The following MAGI2 variants were observed in gnomAD, a reference collection of about 807,000 sequenced individuals.
MAGI2 encodes membrane-associated guanylate kinase, WW and PDZ domain-containing protein 2.
MAGI2 carries 35 observed loss-of-function variants against 133.3 expected under a neutral mutation model. The ratio of observed to expected loss-of-function variants is 0.26; its 90% CI spans 0.20 to 0.35. The LOEUF (loss-of-function observed/expected upper bound fraction) is 0.35, where lower values mean the gene tolerates loss of function less well. MAGI2 is among the 10% of genes least tolerant of loss of function. MAGI2 has a pLI of 1.00. For missense variants in MAGI2, 1,636 were observed against 1,863.4 expected (o/e 0.88, Z 2.25); for synonymous variants, 729 against 710.6 (o/e 1.03, Z -0.41).
chr7:78,803,084 T>G (rs1044044583), intron 2 of MAGI2, among the ~76,000 whole-genome samples: 1 of 152,148 alleles, frequency 6.6e-6, no homozygotes, highest in Admixed American at 6.5e-5. Flanking sequence ...TTGCATATCA[T>G]AATATATATA....
At chr7:78,603,257 A>G (rs556975934) in intron 3 of MAGI2, among the ~76,000 whole-genome samples, 1 of 152,326 alleles carries the variant, frequency 6.6e-6, no homozygotes, top group African/African-American at 2.4e-5. Context: ...TCTTGTACAT[A>G]ATTAGCTTAC....
At chr7:79,020,037 A>G (rs576557259) in intron 1 of MAGI2, among the ~76,000 whole-genome samples, 3 of 152,214 alleles carry the variant, frequency 2.0e-5, no homozygotes, top group African/African-American at 7.2e-5. Context: ...GTAACTTCCT[A>G]AAGACTTGTT....
intron 3 of MAGI2, among the ~76,000 whole-genome samples, chr7:78,605,155 G>T (rs1411601457): frequency 6.6e-6 from 1 of 152,180 alleles, no homozygotes; most frequent in Non-Finnish European, 1.5e-5. Context: ...TTCTATTTAG[G>T]AGAGTGATTG....
chr7:78,410,181 G>A (rs902280564), intron 6 of MAGI2, among the ~76,000 whole-genome samples: 3 of 152,168 alleles, frequency 2.0e-5, no homozygotes, highest in South Asian at 4.1e-4. Flanking sequence ...GTTAAAATGT[G>A]TGATACAGGC....
chr7:79,201,864 C>T (rs1828643876), intron 1 of MAGI2, among the ~76,000 whole-genome samples: 3 of 151,952 alleles, frequency 2.0e-5, no homozygotes, highest in Admixed American at 1.3e-4. Context: ...ATATGGAATT[C>T]AATTTTTGTC....
At chr7:78,674,511 C>A (rs904114372) in intron 2 of MAGI2, among the ~76,000 whole-genome samples, 2 of 151,972 alleles carry the variant, frequency 1.3e-5, no homozygotes, top group African/African-American at 4.8e-5. Flanking sequence ...CTATTCTATA[C>A]TTTAAATGCT....
intron 1 of MAGI2, among the ~76,000 whole-genome samples, chr7:79,044,534 A>T (rs1260723324): frequency 6.6e-6 from 1 of 152,096 alleles, no homozygotes; most frequent in Non-Finnish European, 1.5e-5. Context: ...AAGGATGCCC[A>T]CTCTCACCAC....
chr7:78,535,065 G>A (rs1246245616), intron 3 of MAGI2, among the ~76,000 whole-genome samples: 1 of 152,168 alleles, frequency 6.6e-6, no homozygotes, highest in Non-Finnish European at 1.5e-5. Context: ...CCAGGAGGCG[G>A]AGGTTGCAGT....
intron 20 of MAGI2, among the ~76,000 whole-genome samples, chr7:78,125,417 C>A (rs1481155788): frequency 6.6e-6 from 1 of 152,090 alleles, no homozygotes; most frequent in South Asian, 2.1e-4. Context: ...ATAATGTTTC[C>A]TTTTCAAGCT....
chr7:78,275,854 T>G (rs61375577), intron 9 of MAGI2, among the ~76,000 whole-genome samples: 29,864 of 147,772 alleles, frequency 0.2, 3,330 homozygotes, highest in South Asian at 0.31. Context: ...TAGCTGACTG[T>G]AAATAAATCA....
intron 6 of MAGI2, chr7:78,486,890 C>G (rs1364772028): frequency 9.8e-6 from 5 of 512,686 alleles, no homozygotes; most frequent in Non-Finnish European, 2.0e-5. Flanking sequence ...CAGATCATTT[C>G]AAATCTTTGT....
rs114886892 is a variant in MAGI2 at position 78,899,394 on chromosome 7, G to A, written c.418+107696C>T. Reference sequence around the variant, plus strand: ...ACCAAGCACTTGGTCCCAAGATACCGACAGGATCCCAACCTTGATGTGATG... The same window carrying A: ...ACCAAGCACTTGGTCCCAAGATACCAACAGGATCCCAACCTTGATGTGATG... On this transcript the variant is annotated intron_variant, in intron 2 of 21. Transcript: ENST00000354212. Among the ~76,000 whole-genome samples, 451 of 152,168 alleles carry A rather than the reference G, an allele frequency of 3.0e-3. 1 individual carries two copies. The highest frequency in any genetic ancestry group is 9.6e-3 in the African/African-American group (398 of 41,522).
chr7:78,789,447 C>T (rs1275762604), intron 2 of MAGI2, among the ~76,000 whole-genome samples: 1 of 152,142 alleles, frequency 6.6e-6, no homozygotes, highest in Non-Finnish European at 1.5e-5. Flanking sequence ...ATATTGCCTG[C>T]CATGATGATT....
chr7:78,422,998 C>A (rs1584029988), intron 6 of MAGI2, among the ~76,000 whole-genome samples: 1 of 152,130 alleles, frequency 6.6e-6, no homozygotes, highest in Non-Finnish European at 1.5e-5. Flanking sequence ...TAGTTTTCCA[C>A]CTATTGTTAT....
intron 2 of MAGI2, among the ~76,000 whole-genome samples, chr7:78,924,765 G>A (rs1267735125): frequency 6.6e-6 from 1 of 151,848 alleles, no homozygotes; most frequent in Admixed American, 6.6e-5. Context: ...CCCAGGAAAA[G>A]CCCAGTCGTC....
chr7:79,269,065 C>T (rs962499482), intron 1 of MAGI2, among the ~76,000 whole-genome samples: 3 of 152,104 alleles, frequency 2.0e-5, no homozygotes, highest in Non-Finnish European at 4.4e-5. Flanking sequence ...AATTTCAATA[C>T]GCTTTTATTG....
chr7:78,079,169 A>G (rs983183995), intron 20 of MAGI2, 84 bp from the exon 21 acceptor site: 1 of 1,332,142 alleles, frequency 7.5e-7, no homozygotes, highest in African/African-American at 1.5e-5. Flanking sequence ...AAGCATGTCT[A>G]GATGACCTGA....
intron 21 of MAGI2, among the ~76,000 whole-genome samples, chr7:78,040,010 G>C (rs2868833): frequency 6.6e-6 from 1 of 152,016 alleles, no homozygotes; most frequent in South Asian, 2.1e-4. Flanking sequence ...AATCCTCACA[G>C]TAATGTGTGG....
At chr7:79,248,054 T>A (rs1012278141) in intron 1 of MAGI2, among the ~76,000 whole-genome samples, 2 of 152,092 alleles carry the variant, frequency 1.3e-5, no homozygotes, top group African/African-American at 4.8e-5. Context: ...AACTCTCTAA[T>A]CTAAAGACAC....
Sources: allele counts gnomAD v4.1 joint callset (sites outside exome capture counted in the v4.1 genomes callset), GRCh38; gene constraint gnomAD v4.1.1; transcripts MANE v1.5; gene names NCBI Gene and HGNC (gene_info 2026-07-23, HGNC 2026-07-21).